The following GALNT13 variants were observed in gnomAD, a reference collection of about 807,000 sequenced individuals.
The protein encoded by GALNT13 is polypeptide N-acetylgalactosaminyltransferase 13.
In GALNT13, 28 loss-of-function variants were observed where a neutral mutation model predicts 64.2. That is an observed-to-expected ratio of 0.44 (90% CI 0.32 to 0.60). The LOEUF (loss-of-function observed/expected upper bound fraction) is 0.60. Ranked by LOEUF, GALNT13 falls within the 20% of genes least tolerant of loss-of-function variation. GALNT13 has a pLI of 0.05. For missense variants in GALNT13, 577 were observed against 669.8 expected (o/e 0.86, Z 1.53); for synonymous variants, 214 against 224.6 (o/e 0.95, Z 0.42).
the GALNT13 span, among the ~76,000 whole-genome samples, chr2:153,256,839 C>T: frequency 6.6e-6 from 1 of 152,158 alleles, no homozygotes; most frequent in Admixed American, 6.5e-5. Context: ...GCTGGGAGAA[C>T]CACTGCTCTC....
the GALNT13 span, among the ~76,000 whole-genome samples, chr2:153,239,493 A>T: frequency 6.6e-6 from 1 of 152,172 alleles, no homozygotes; most frequent in African/African-American, 2.4e-5. Context: ...TATTGCGTGG[A>T]GGTATGGTCT....
the GALNT13 span, among the ~76,000 whole-genome samples, chr2:153,095,888 G>T: frequency 6.6e-6 from 1 of 152,062 alleles, no homozygotes; most frequent in Admixed American, 6.6e-5. Flanking sequence ...GCCTGTCATG[G>T]GGTGGGGGGA....
At chr2:154,432,544 T>C (rs924204527) in intron 11 of GALNT13, among the ~76,000 whole-genome samples, 1 of 152,198 alleles carries the variant, frequency 6.6e-6, no homozygotes, top group South Asian at 2.1e-4. Flanking sequence ...TATTGTCTTA[T>C]AGTTCTGGAG....
intron 3 of GALNT13, among the ~76,000 whole-genome samples, chr2:154,015,156 C>A (rs931405298): frequency 5.3e-5 from 8 of 151,984 alleles, no homozygotes; most frequent in African/African-American, 1.2e-4. Flanking sequence ...AGATATGGTA[C>A]TTCTTTTCTA....
the GALNT13 span, among the ~76,000 whole-genome samples, chr2:153,696,199 T>C: frequency 6.6e-6 from 1 of 152,120 alleles, no homozygotes; most frequent in Admixed American, 6.5e-5. Context: ...AGCAAACTAC[T>C]GGTGTAAGTC....
chr2:154,187,481 G>A (rs1004113081), intron 4 of GALNT13, among the ~76,000 whole-genome samples: 1 of 151,430 alleles, frequency 6.6e-6, no homozygotes, highest in Non-Finnish European at 1.5e-5. Flanking sequence ...TAACAAACAT[G>A]TTAATATATC....
the GALNT13 span, among the ~76,000 whole-genome samples, chr2:153,360,240 C>T: frequency 6.6e-6 from 1 of 152,192 alleles, no homozygotes; most frequent in African/African-American, 2.4e-5. Context: ...GAGCGTGCTA[C>T]CCAGCCTGGG....
At chr2:153,748,295 G>GC in the GALNT13 span, among the ~76,000 whole-genome samples, 1 of 152,114 alleles carries the variant, frequency 6.6e-6, no homozygotes, top group Non-Finnish European at 1.5e-5. Context: ...TTCATACCCA[G>GC]CAGTGGGATT....
chr2:154,172,003 CACAA>C (rs1685380087), intron 4 of GALNT13, among the ~76,000 whole-genome samples: 1 of 144,446 alleles, frequency 6.9e-6, no homozygotes, highest in South Asian at 2.2e-4. Flanking sequence ...CACACACACA[CACAA>C]TGCTAAGCCA....
At chr2:153,496,115 T>C in the GALNT13 span, among the ~76,000 whole-genome samples, 3 of 152,226 alleles carry the variant, frequency 2.0e-5, no homozygotes, top group African/African-American at 7.2e-5. Context: ...GCAGCATTGA[T>C]CATTTGCCAA....
intron 4 of GALNT13, among the ~76,000 whole-genome samples, chr2:154,156,007 G>A (rs1684396924): frequency 6.7e-6 from 1 of 148,662 alleles, no homozygotes; most frequent in African/African-American, 2.6e-5. Flanking sequence ...CATTTATAGT[G>A]TCTTATTTTA....
At chr2:153,537,877 T>C in the GALNT13 span, among the ~76,000 whole-genome samples, 3 of 152,216 alleles carry the variant, frequency 2.0e-5, no homozygotes, top group African/African-American at 7.2e-5. Flanking sequence ...TAGTTAAATC[T>C]CTTTCTTTTA....
At chr2:153,374,788 A>T in the GALNT13 span, among the ~76,000 whole-genome samples, 4 of 152,100 alleles carry the variant, frequency 2.6e-5, no homozygotes, top group Admixed American at 6.6e-5. Context: ...TTTTTGCAGG[A>T]TCAGGTTCTG....
chr2:153,768,682 C>T, the GALNT13 span, among the ~76,000 whole-genome samples: 5 of 151,922 alleles, frequency 3.3e-5, no homozygotes, highest in African/African-American at 4.8e-5. Context: ...GGCTAACACA[C>T]GGTGAAACCC....
intron 3 of GALNT13, among the ~76,000 whole-genome samples, chr2:154,105,502 C>T (rs563859091): frequency 1.3e-5 from 2 of 151,998 alleles, no homozygotes; most frequent in South Asian, 2.1e-4. Flanking sequence ...AGTCTAGTTG[C>T]GACAGGTTAT....
At chr2:153,707,679 T>C in the GALNT13 span, among the ~76,000 whole-genome samples, 2 of 152,188 alleles carry the variant, frequency 1.3e-5, no homozygotes, top group Non-Finnish European at 2.9e-5. Flanking sequence ...TACCACTTCT[T>C]ATCATCTGCA....
At chr2:153,483,410 CTTTTTT>C in the GALNT13 span, among the ~76,000 whole-genome samples, 9 of 71,792 alleles carry the variant, frequency 1.3e-4, no homozygotes, top group Admixed American at 1.7e-4. Flanking sequence ...GAATAAAATT[CTTTTTT>C]TTTTTTTTTT....
At chr2:153,345,509 T>A in the GALNT13 span, among the ~76,000 whole-genome samples, 1 of 152,150 alleles carries the variant, frequency 6.6e-6, no homozygotes, top group African/African-American at 2.4e-5. Flanking sequence ...CAGGATGAGA[T>A]AGAGTATGAA....
chr2:154,109,952 G>T (rs868133754), intron 3 of GALNT13, among the ~76,000 whole-genome samples: 6 of 151,966 alleles, frequency 3.9e-5, no homozygotes, highest in African/African-American at 1.4e-4. Context: ...TTTTGTCCTT[G>T]TTCTGGCTTT....
Sources: allele counts gnomAD v4.1 joint callset (sites outside exome capture counted in the v4.1 genomes callset), GRCh38; gene constraint gnomAD v4.1.1; transcripts MANE v1.5; gene names NCBI Gene and HGNC (gene_info 2026-07-23, HGNC 2026-07-21).